Variants in APPL1 observed in about 807,000 individuals in gnomAD.
The protein encoded by APPL1 is DCC-interacting protein 13-alpha.
In APPL1, 42 loss-of-function variants were observed where a neutral mutation model predicts 106.8. The ratio of observed to expected loss-of-function variants is 0.39; its 90% CI spans 0.31 to 0.51. The LOEUF (loss-of-function observed/expected upper bound fraction) is 0.51, where lower values mean the gene tolerates loss of function less well. Ranked by LOEUF, APPL1 falls within the 20% of genes least tolerant of loss-of-function variation. The probability of loss-of-function intolerance (pLI) is 0.75; values close to 1 mark genes in which losing one functional copy is unlikely to be tolerated. For synonymous variants in APPL1, 263 were observed against 281.8 expected, an observed-to-expected ratio of 0.93 and a Z score of 0.67; for missense variants, 769 against 858.2, an observed-to-expected ratio of 0.90 and a Z score of 1.30.
At chr3:57,263,886 C>CT (rs1491379350) in intron 19 of APPL1, among the ~76,000 whole-genome samples, 4 of 151,830 alleles carry the variant, frequency 2.6e-5, no homozygotes, top group Non-Finnish European at 5.9e-5. Context: ...TACTGATTTC[C>CT]TTTTTTTAGG....
chr3:57,227,828 C>G lies in APPL1; in HGVS notation c.-56C>G. 1 of 1,398,218 alleles carries G rather than the reference C, an allele frequency of 7.2e-7. No homozygotes were observed. The highest frequency in any genetic ancestry group is 9.4e-7 in the Non-Finnish European group (1 of 1,062,798). The allele number at this position is 1,398,218 out of a possible 1,614,324, so 86.6% of individuals were successfully genotyped here. The stretch of plus-strand genomic sequence containing the variant: ...GGGTCAGCTGCGGCGGGCGGGCCGG[C>G]GCGGGGAGCTGTGGGCGGCAGCTGC... On this transcript the variant is annotated 5_prime_UTR_variant, in exon 1 of 22. Transcript: ENST00000288266.
Position 57,271,393 on chromosome 3 carries a change from T to C in APPL1, c.*1706T>C, listed in dbSNP as rs1050447446. ...TTTATGAAATACTTTTGATAAAAAG[T>C]TTATTTTGTGCTTACCAAAAGGAAT... is the stretch of plus-strand genomic sequence containing the variant. On this transcript the variant is annotated 3_prime_UTR_variant, in exon 22 of 22. Coordinates refer to ENST00000288266, the MANE Select transcript of APPL1 (RefSeq NM_012096.3). The C allele has an allele frequency of 3.3e-5, 5 of 152,546 alleles. No homozygotes were observed. Among genetic ancestry groups the C allele is most frequent in the Non-Finnish European group, 1.5e-5 (1 of 68,006 alleles). 9.4% of individuals were successfully genotyped at this position (152,546 alleles called of 1,614,324 possible). A position where few individuals can be genotyped will look rare whatever the true frequency, so the allele number is the denominator to read the frequency against.
intron 19 of APPL1, 103 bp downstream of exon 19, chr3:57,260,877 T>C: frequency 8.3e-7 from 1 of 1,202,644 alleles, no homozygotes; most frequent in Non-Finnish European, 1.1e-6. Flanking sequence ...AGTTAGTAAT[T>C]ACTGATTGAA....
At chr3:57,260,577 C>G in intron 18 of APPL1, 51 bp from the exon 19 acceptor site, 1 of 1,526,840 alleles carries the variant, frequency 6.5e-7, no homozygotes, top group South Asian at 1.3e-5. Context: ...ACAAGTGCTG[C>G]TGTAATGACT....
At chr3:57,250,597 A>T (rs913864671) in intron 11 of APPL1, among the ~76,000 whole-genome samples, 3 of 152,182 alleles carry the variant, frequency 2.0e-5, no homozygotes, top group Non-Finnish European at 2.9e-5. Flanking sequence ...CCAATTTTTA[A>T]CTTAAGTACA....
chr3:57,247,972 G>C (rs1280257803), intron 9 of APPL1, among the ~76,000 whole-genome samples: 1 of 152,074 alleles, frequency 6.6e-6, no homozygotes, highest in African/African-American at 2.4e-5. Context: ...CAGGCATTCG[G>C]GGGGCTTCAT....
intron 21 of APPL1, 89 bp from the exon 22 acceptor site, chr3:57,269,452 A>AATTG: frequency 7.2e-7 from 1 of 1,384,290 alleles, no homozygotes; most frequent in Non-Finnish European, 9.9e-7. Context: ...ATGACAGAAG[A>AATTG]AGTGGCTCTC....
intron 8 of APPL1, among the ~76,000 whole-genome samples, chr3:57,246,945 G>A (rs1174130733): frequency 6.7e-6 from 1 of 150,030 alleles, no homozygotes; most frequent in South Asian, 2.1e-4. Flanking sequence ...TGAGGCTGCA[G>A]TGAGGTTTTA....
intron 11 of APPL1, 146 bp from the exon 12 acceptor site, chr3:57,252,123 A>G: frequency 1.5e-6 from 1 of 672,266 alleles, no homozygotes; most frequent in Non-Finnish European, 2.6e-6. Flanking sequence ...TCCTTTTCCT[A>G]AGATACCGTT....
At chr3:57,241,372 T>G (rs2060745634) in intron 5 of APPL1, among the ~76,000 whole-genome samples, 1 of 152,154 alleles carries the variant, frequency 6.6e-6, no homozygotes, top group Non-Finnish European at 1.5e-5. Flanking sequence ...CCACTTAGGA[T>G]TACTAGGTGA....
intron 13 of APPL1, among the ~76,000 whole-genome samples, chr3:57,256,724 A>G (rs887679420): frequency 2.0e-5 from 3 of 152,222 alleles, no homozygotes; most frequent in African/African-American, 7.2e-5. Flanking sequence ...AAAAAGCAAT[A>G]TCTAATAATT....
At chr3:57,248,156 G>T in intron 9 of APPL1, 37 bp from the exon 10 acceptor site, 2 of 1,574,350 alleles carry the variant, frequency 1.3e-6, no homozygotes, top group Non-Finnish European at 1.7e-6. Flanking sequence ...GTTCTTTATT[G>T]GTTGTGATTT....
intron 13 of APPL1, among the ~76,000 whole-genome samples, chr3:57,256,350 T>A (rs1335335318): frequency 2.0e-5 from 3 of 152,228 alleles, no homozygotes; most frequent in African/African-American, 7.2e-5. Flanking sequence ...GCCAGTATTT[T>A]AAATAAAACA....
intron 11 of APPL1, among the ~76,000 whole-genome samples, chr3:57,251,576 GTTGT>G (rs1165333290): frequency 1.3e-5 from 2 of 150,652 alleles, no homozygotes; most frequent in Non-Finnish European, 2.9e-5. Flanking sequence ...TATCAAAATG[GTTGT>G]TTAATTTCAC....
At chr3:57,250,924 C>T (rs1018907091) in intron 11 of APPL1, among the ~76,000 whole-genome samples, 1 of 148,620 alleles carries the variant, frequency 6.7e-6, no homozygotes, top group Admixed American at 6.7e-5. Context: ...TCTCCTGCCT[C>T]AGCCTCCCGA....
At chr3:57,231,106 G>A (rs988027789) in intron 1 of APPL1, among the ~76,000 whole-genome samples, 53 of 151,766 alleles carry the variant, frequency 3.5e-4, no homozygotes, top group African/African-American at 1.2e-3. Flanking sequence ...TTGGGAGGAC[G>A]AGGCAGGTGA....
chr3:57,227,934 G>A lies in APPL1; in HGVS notation c.51G>A (p.Pro17=). 1.4e-6 allele frequency: 2 copies of A among 1,444,642 alleles called. No individual in the cohort carries two copies. Among genetic ancestry groups the A allele is most frequent in the Non-Finnish European group, 1.8e-6 (2 of 1,091,456 alleles). 89.5% of individuals were successfully genotyped at this position (1,444,642 alleles called of 1,614,324 possible). A position where few individuals can be genotyped will look rare whatever the true frequency, so the allele number is the denominator to read the frequency against. ...TCGAGGAGACGCTGGAGGACAGCCC[G>A]CAGGTGAGGCGCGGGAGCTGGTGGG... The part of the protein sequence containing the change: ...LPIEETLEDS[P]QTRSLLGVFE... Residue 17 remains proline, a synonymous_variant, in exon 1 of 22, where the codon CCG becomes CCA. Transcript: ENST00000288266.
chr3:57,268,986 T>TG (rs1214358640), intron 21 of APPL1: 1 of 153,066 alleles, frequency 6.5e-6, no homozygotes, highest in African/African-American at 2.4e-5. Flanking sequence ...GAGCGTGTTA[T>TG]GGGTTGTAGA....
chr3:57,237,592 A>G (rs1332137446), intron 3 of APPL1, 41 bp downstream of exon 3: 12 of 1,396,168 alleles, frequency 8.6e-6, no homozygotes, highest in Non-Finnish European at 1.2e-5. Context: ...TTTTAAAAGT[A>G]TAGTATCTGT....
Sources: allele counts gnomAD v4.1 joint callset (sites outside exome capture counted in the v4.1 genomes callset), GRCh38; gene constraint gnomAD v4.1.1; transcripts MANE v1.5; gene names NCBI Gene and HGNC (gene_info 2026-07-23, HGNC 2026-07-21).